HMCN1: variants seen among roughly 807,000 people sequenced by gnomAD.
The protein encoded by HMCN1 is hemicentin-1.
In HMCN1, 321 loss-of-function variants were observed where a neutral mutation model predicts 625.9. The observed-to-expected ratio is 0.51, with a 90% CI of 0.47 to 0.56. The LOEUF (loss-of-function observed/expected upper bound fraction) is 0.56, where lower values mean the gene tolerates loss of function less well. HMCN1 is among the 20% of genes least tolerant of loss of function. The probability of loss-of-function intolerance (pLI) is 0.00; values close to 1 mark genes in which losing one functional copy is unlikely to be tolerated. For synonymous variants in HMCN1, 2,425 were observed against 2,417.6 expected, an observed-to-expected ratio of 1.00 and a Z score of -0.09; for missense variants, 6,588 against 6,887.3, an observed-to-expected ratio of 0.96 and a Z score of 1.54.
Position 185,993,201 on chromosome 1 carries a change from G to A in HMCN1, c.3397G>A (p.Gly1133Ser). Residue 1133 changes from glycine to serine, a missense_variant, in exon 23 of 107, where the codon GGT becomes AGT. This residue lies in a region of HMCN1 where 4,628 missense variants were observed against 4,853.1 expected (regional missense o/e 0.95). Transcript: ENST00000271588. ...FSPRHTFLPS[G>S]SMKITETRTS... The stretch of plus-strand genomic sequence containing the variant: ...TTTTAGACACACATTCCTCCCTTCT[G>A]GTTCAATGAAGATCACTGAAACCCG... 6.2e-7 allele frequency: 1 copy of A among 1,612,506 alleles called. No homozygotes were observed. The highest frequency in any genetic ancestry group is 8.5e-7 in the Non-Finnish European group (1 of 1,178,770).
intron 15 of HMCN1, 110 bp from the exon 16 acceptor site, chr1:185,977,677 T>C: frequency 1.3e-6 from 1 of 781,476 alleles, no homozygotes; most frequent in Non-Finnish European, 2.2e-6. Flanking sequence ...TACAATATAA[T>C]ATGAACAATA....
intron 1 of HMCN1, among the ~76,000 whole-genome samples, chr1:185,824,317 A>G (rs114921600): frequency 1.3e-3 from 205 of 152,206 alleles, no homozygotes; most frequent in African/African-American, 4.7e-3. Context: ...GACAAAAGCA[A>G]TCTCCTCTTT....
chr1:185,923,334 T>G, intron 7 of HMCN1, 56 bp from the exon 8 acceptor site: 1 of 1,296,832 alleles, frequency 7.7e-7, no homozygotes, highest in Non-Finnish European at 1.1e-6. Flanking sequence ...ACTTATTTGA[T>G]ATATAACTTC....
chr1:185,991,661 AT>A (rs1276858523), intron 22 of HMCN1, among the ~76,000 whole-genome samples: 1 of 150,402 alleles, frequency 6.6e-6, no homozygotes, highest in Non-Finnish European at 1.5e-5. Flanking sequence ...TCTACATTTT[AT>A]TTTTTCATTC....
Position 186,145,755 on chromosome 1 carries a change from G to A in HMCN1, c.14440G>A (p.Asp4814Asn), listed in dbSNP as rs771468869. The change falls in exon 93 of 107, where the codon GAT becomes AAT. Residue 4814 changes from aspartate to asparagine, a missense_variant and splice_region_variant. Transcript: ENST00000271588. The part of the protein sequence containing the change: ...QRCNTDMCPV[D>N]GSWGSWHSWS... ...GACCATTCCATTCTTGTTCACAGTGGATGGAAGTTGGGGAAGCTGGCATAG... is the reference window on the plus strand; with the variant it reads ...GACCATTCCATTCTTGTTCACAGTGAATGGAAGTTGGGGAAGCTGGCATAG... 3.7e-6 allele frequency: 6 copies of A among 1,614,160 alleles called. No individual in the cohort carries two copies. In the South Asian group the frequency reaches 6.6e-5, roughly 18 times the overall value.
In HMCN1 at chr1:186,119,740, T is replaced by TA. The variant is rs1204517207; in HGVS notation, c.11957-4dup. ...ACTTCTTTTTGTTGATTGGTTTTTT[T>TA]ATAGAGCCTCCAGTCATTCAGCCCC... is the stretch of plus-strand genomic sequence containing the variant. On this transcript the variant is annotated splice_region_variant and splice_polypyrimidine_tract_variant and intron_variant, in intron 78 of 106. Coordinates refer to ENST00000271588, the MANE Select transcript of HMCN1 (RefSeq NM_031935.3). 6.2e-7 allele frequency: 1 copy of TA among 1,613,904 alleles called. No homozygotes were observed. Among genetic ancestry groups the TA allele is most frequent in the Non-Finnish European group, 8.5e-7 (1 of 1,179,842 alleles).
At chr1:185,747,042 C>T (rs1571297792) in intron 1 of HMCN1, among the ~76,000 whole-genome samples, 1 of 151,632 alleles carries the variant, frequency 6.6e-6, no homozygotes, top group Non-Finnish European at 1.5e-5. Flanking sequence ...GAGGATAGGA[C>T]TTTAACATAT....
intron 5 of HMCN1, among the ~76,000 whole-genome samples, chr1:185,910,004 T>A (rs1362265034): frequency 6.6e-6 from 1 of 152,154 alleles, no homozygotes; most frequent in Non-Finnish European, 1.5e-5. Flanking sequence ...TCACTTTGCC[T>A]CTTAAGTATA....
At chr1:185,933,180 T>A (rs1667639922) in intron 10 of HMCN1, among the ~76,000 whole-genome samples, 1 of 152,186 alleles carries the variant, frequency 6.6e-6, no homozygotes, top group African/African-American at 2.4e-5. Flanking sequence ...TTTACAACGC[T>A]AAATACATAT....
intron 14 of HMCN1, among the ~76,000 whole-genome samples, chr1:185,968,956 A>C (rs1420885451): frequency 6.6e-6 from 1 of 152,180 alleles, no homozygotes; most frequent in African/African-American, 2.4e-5. Context: ...TTTCCAATTT[A>C]TATTTTGTTT....
chr1:186,125,427 C>T (rs1203766201), intron 81 of HMCN1, among the ~76,000 whole-genome samples, 177 bp from the exon 82 acceptor site: 2 of 152,026 alleles, frequency 1.3e-5, no homozygotes, highest in African/African-American at 4.8e-5. Context: ...CTTGCTAGCA[C>T]CAAAAATACT....
Position 186,166,272 on chromosome 1 carries a change from C to T in HMCN1, c.15408C>T (p.Leu5136=), listed in dbSNP as rs777732401. The change falls in exon 99 of 107, where the codon CTC becomes CTT. Residue 5136 remains leucine, a synonymous_variant. Coordinates refer to ENST00000271588, the MANE Select transcript of HMCN1 (RefSeq NM_031935.3). ...ACTACTGCTCCTGCCCTAAAGGCCTCACCATAGCTGCAGATGGAAGAACTT... is the reference window on the plus strand; with the variant it reads ...ACTACTGCTCCTGCCCTAAAGGCCTTACCATAGCTGCAGATGGAAGAACTT... ...GTYYCSCPKG[L]TIAADGRTCQ... 3 of 1,614,146 alleles carry T rather than the reference C, an allele frequency of 1.9e-6. No individual in the cohort carries two copies. Among genetic ancestry groups the T allele is most frequent in the South Asian group, 2.2e-5 (2 of 91,088 alleles).
chr1:185,837,559 TTC>T (rs1459628734), intron 1 of HMCN1, among the ~76,000 whole-genome samples: 3 of 152,124 alleles, frequency 2.0e-5, no homozygotes, highest in African/African-American at 7.2e-5. Context: ...CTATATTTAT[TTC>T]TGTCAGTATT....
At chr1:185,857,655 A>G (rs780127231) in intron 2 of HMCN1, among the ~76,000 whole-genome samples, 1 of 152,072 alleles carries the variant, frequency 6.6e-6, no homozygotes, top group Non-Finnish European at 1.5e-5. Flanking sequence ...TTAGTTCTGG[A>G]ATTGTATTAC....
intron 33 of HMCN1, 103 bp from the exon 34 acceptor site, chr1:186,018,080 C>A: frequency 9.7e-7 from 1 of 1,035,660 alleles, no homozygotes. Flanking sequence ...ACAGAGTAAG[C>A]AACTAGGAAA....
Position 185,993,128 on chromosome 1 carries a change from G to A in HMCN1, c.3378-54G>A, listed in dbSNP as rs12064448. 8.4e-3 allele frequency: 13,034 copies of A among 1,546,304 alleles called. 796 individuals carry two copies. The African/African-American group carries it at 0.15, about 17-fold the overall frequency. On this transcript the variant is annotated intron_variant, in intron 22 of 106. Transcript: ENST00000271588. ...TTCATACTGAAGTGTAGCTGCATAG[G>A]GGATATTTAAATTCTCCTCTTCCAT...
At position 186,041,108 on chromosome 1, in the gene HMCN1, G is replaced by C; in HGVS notation, c.6276G>C (p.Lys2092Asn). The change falls in exon 40 of 107, where the codon AAG becomes AAC. Residue 2092 changes from lysine to asparagine, a missense_variant. Lys to Asn is a moderately conservative substitution (Grantham distance 94, BLOSUM62 0). Coordinates refer to ENST00000271588, the MANE Select transcript of HMCN1 (RefSeq NM_031935.3). ...TGGCAGTGAATGCTGCTGGAGAAAAGCAAAGGGACATTGACCTCCGAGTAT... is the reference window on the plus strand; with the variant it reads ...TGGCAGTGAATGCTGCTGGAGAAAACCAAAGGGACATTGACCTCCGAGTAT... ...TCVAVNAAGE[K>N]QRDIDLRVYV... The C allele has an allele frequency of 6.2e-7, 1 of 1,612,890 alleles. No homozygotes were observed. The highest frequency in any genetic ancestry group is 8.5e-7 in the Non-Finnish European group (1 of 1,179,144).
chr1:185,756,743 T>C (rs922957566), intron 1 of HMCN1, among the ~76,000 whole-genome samples: 2 of 152,212 alleles, frequency 1.3e-5, no homozygotes, highest in African/African-American at 4.8e-5. Context: ...TTTCAACACA[T>C]GCACATGTAA....
intron 1 of HMCN1, among the ~76,000 whole-genome samples, chr1:185,769,901 T>C (rs1452683091): frequency 6.6e-6 from 1 of 152,100 alleles, no homozygotes; most frequent in East Asian, 1.9e-4. Flanking sequence ...GCAAGGGAAG[T>C]GTGAAAACCC....
Sources: gnomAD v4.1 joint callset for allele counts (sites outside exome capture counted in the v4.1 genomes callset) on GRCh38, gnomAD v4.1.1 for gene constraint, gnomAD v4.1.1 regional missense constraint, MANE v1.5 for transcripts, NCBI Gene and HGNC (gene_info 2026-07-23, HGNC 2026-07-21) for gene names.